The following TMEFF2 variants were observed in gnomAD, a reference collection of about 807,000 sequenced individuals.
TMEFF2 encodes the protein transmembrane protein with EGF like and two follistatin like domains 2.
Under a neutral mutation model 53.8 loss-of-function variants are expected in TMEFF2, and 28 were observed. The ratio of observed to expected loss-of-function variants is 0.52; its 90% CI spans 0.39 to 0.71. The LOEUF is 0.71. Among genes scored for constraint, TMEFF2 ranks in the 30% least tolerant of loss-of-function variants. The pLI, the probability that TMEFF2 is intolerant of heterozygous loss-of-function variation, is 0.00. For synonymous variants in TMEFF2, 162 were observed against 166.3 expected (o/e 0.97, Z 0.20); for missense variants, 353 against 455.2 (o/e 0.78, Z 2.04).
intron 4 of TMEFF2, among the ~76,000 whole-genome samples, chr2:192,156,458 G>A (rs1392052581): frequency 6.6e-6 from 1 of 151,870 alleles, no homozygotes. Flanking sequence ...CAAACCCAGA[G>A]TCTGGGTCCT....
chr2:192,012,139 G>A (rs1213300903), intron 5 of TMEFF2, among the ~76,000 whole-genome samples: 5 of 152,206 alleles, frequency 3.3e-5, no homozygotes, highest in African/African-American at 4.8e-5. Flanking sequence ...TCCTGACCTC[G>A]TGATCCACCC....
At chr2:192,151,903 G>A (rs1332510481) in intron 4 of TMEFF2, among the ~76,000 whole-genome samples, 1 of 151,808 alleles carries the variant, frequency 6.6e-6, no homozygotes, top group Non-Finnish European at 1.5e-5. Context: ...AGAGAGTTGG[G>A]CTGCAGGGGA....
chr2:192,013,970 T>C (rs981417478), intron 5 of TMEFF2, among the ~76,000 whole-genome samples: 5 of 152,230 alleles, frequency 3.3e-5, no homozygotes, highest in African/African-American at 1.2e-4. Flanking sequence ...AGACATAAAG[T>C]TTAGATTCAA....
chr2:192,065,802 G>A (rs868167779), intron 4 of TMEFF2, among the ~76,000 whole-genome samples: 21 of 151,360 alleles, frequency 1.4e-4, no homozygotes, highest in African/African-American at 4.4e-4. Context: ...GTGAGTTTAC[G>A]CTCAAATAAA....
intron 4 of TMEFF2, among the ~76,000 whole-genome samples, chr2:192,082,797 C>T (rs1688582595): frequency 8.1e-5 from 1 of 12,386 alleles, no homozygotes; most frequent in South Asian, 0.05. Flanking sequence ...AATTTTCATG[C>T]ACTTGAGTTA....
At chr2:192,107,856 T>C (rs1689185831) in intron 4 of TMEFF2, among the ~76,000 whole-genome samples, 1 of 151,544 alleles carries the variant, frequency 6.6e-6, no homozygotes, top group Admixed American at 6.6e-5. Context: ...CAAGGCAAAA[T>C]GGGAAATTAA....
intron 4 of TMEFF2, among the ~76,000 whole-genome samples, chr2:192,132,502 T>C (rs1689866724): frequency 6.6e-6 from 1 of 152,052 alleles, no homozygotes. Flanking sequence ...AAAAATAGAT[T>C]CTGGCCCTCA....
chr2:192,192,801 G>A (rs1691494638), intron 1 of TMEFF2, among the ~76,000 whole-genome samples: 1 of 152,148 alleles, frequency 6.6e-6, no homozygotes, highest in Non-Finnish European at 1.5e-5. Flanking sequence ...TGTTTTTGCA[G>A]GCTCATAATT....
At chr2:192,007,018 C>G (rs190886273) in intron 5 of TMEFF2, among the ~76,000 whole-genome samples, 113 of 152,314 alleles carry the variant, frequency 7.4e-4, no homozygotes, top group Non-Finnish European at 1.3e-3. Context: ...AAATCAGTAT[C>G]TTAAAGCAAG....
In TMEFF2 at chr2:192,194,710, G is replaced by A. The variant is rs1691564370; in HGVS notation, c.-186C>T. 1 of 635,344 alleles carries A rather than the reference G, an allele frequency of 1.6e-6. No homozygotes were observed. The highest frequency in any genetic ancestry group is 2.7e-6 in the Non-Finnish European group (1 of 366,676). 39.4% of individuals were successfully genotyped at this position (635,344 alleles called of 1,614,324 possible). On this transcript the variant is annotated 5_prime_UTR_variant, in exon 1 of 10. Coordinates refer to ENST00000272771, the MANE Select transcript of TMEFF2 (RefSeq NM_016192.4). The surrounding 1 kb of genome is among the most constrained non-coding windows in gnomAD (Gnocchi z 4.2). ...ATCTCGAGAGTTTCAGCAACATCCA[G>A]GGACTGGGCTCAGCCCCGGAGCGAG...
chr2:192,026,569 G>A (rs542746762), intron 5 of TMEFF2, among the ~76,000 whole-genome samples: 41 of 152,248 alleles, frequency 2.7e-4, no homozygotes, highest in Non-Finnish European at 5.0e-4. Context: ...GGATGCTTCT[G>A]TTTATATTGA....
At chr2:191,995,751 T>G (rs1686207706) in intron 7 of TMEFF2, among the ~76,000 whole-genome samples, 1 of 152,032 alleles carries the variant, frequency 6.6e-6, no homozygotes, top group African/African-American at 2.4e-5. Flanking sequence ...TATCTAAAAT[T>G]TCTTGAGAAT....
At chr2:192,114,158 C>A (rs1361700710) in intron 4 of TMEFF2, among the ~76,000 whole-genome samples, 1 of 147,662 alleles carries the variant, frequency 6.8e-6, no homozygotes, top group Non-Finnish European at 1.5e-5. Flanking sequence ...GCACAAAACC[C>A]AAAAGAAAAT....
chr2:192,033,254 G>T (rs1316531516), intron 5 of TMEFF2, among the ~76,000 whole-genome samples: 1 of 152,174 alleles, frequency 6.6e-6, no homozygotes, highest in Non-Finnish European at 1.5e-5. Context: ...CATAGGCAAA[G>T]ATACTTTTGA....
chr2:192,046,694 C>A (rs995707226), intron 5 of TMEFF2, among the ~76,000 whole-genome samples: 1 of 152,096 alleles, frequency 6.6e-6, no homozygotes, highest in Admixed American at 6.5e-5. Context: ...TTTCTTCCCC[C>A]CAAGTCTGAC....
chr2:192,076,270 G>C (rs1011187147), intron 4 of TMEFF2, among the ~76,000 whole-genome samples: 1 of 151,630 alleles, frequency 6.6e-6, no homozygotes, highest in East Asian at 1.9e-4. Flanking sequence ...ATGCATTATT[G>C]TCCTCTCCTT....
intron 4 of TMEFF2, among the ~76,000 whole-genome samples, chr2:192,133,586 C>T (rs111243811): frequency 1.7e-3 from 260 of 152,324 alleles, no homozygotes; most frequent in African/African-American, 5.3e-3. Flanking sequence ...TTTGCCTATC[C>T]ACCCCATGGT....
chr2:192,163,028 G>C (rs924184061), intron 4 of TMEFF2, among the ~76,000 whole-genome samples: 3 of 152,178 alleles, frequency 2.0e-5, no homozygotes, highest in African/African-American at 7.2e-5. Context: ...GCAGGCTTTA[G>C]AGAAATAAGC....
At chr2:192,052,458 C>A (rs1233773434) in intron 5 of TMEFF2, among the ~76,000 whole-genome samples, 1 of 152,132 alleles carries the variant, frequency 6.6e-6, no homozygotes, top group East Asian at 1.9e-4. Flanking sequence ...TTCCACTGAC[C>A]TACTTTGGAC....
Sources: allele counts gnomAD v4.1 joint callset (sites outside exome capture counted in the v4.1 genomes callset), GRCh38; gene constraint gnomAD v4.1.1; non-coding constraint Gnocchi (gnomAD v3.1); transcripts MANE v1.5; gene names NCBI Gene and HGNC (gene_info 2026-07-23, HGNC 2026-07-21).